CNGA3: variants seen among roughly 807,000 people sequenced by gnomAD.
The protein encoded by CNGA3 is cyclic nucleotide gated channel subunit alpha 3.
A neutral mutation model predicts 46.6 loss-of-function variants in CNGA3; 42 were observed. That is an observed-to-expected ratio of 0.90 (90% confidence interval 0.70 to 1.17). The LOEUF (loss-of-function observed/expected upper bound fraction) is 1.17. Ranked by LOEUF, CNGA3 falls within the 50% of genes most tolerant of loss-of-function variation. The pLI is 0.00. For missense variants in CNGA3, 893 were observed against 890.7 expected, an observed-to-expected ratio of 1.00 and a Z score of -0.03; for synonymous variants, 394 against 369.4, an observed-to-expected ratio of 1.07 and a Z score of -0.76.
chr2:98,389,735 C>T lies in CNGA3; in HGVS notation c.527C>T (p.Ala176Val), dbSNP rs757155005. Reference protein sequence around the residue: ...NLYYRWLTAIALPVFYNWYLL... With the variant: ...NLYYRWLTAIVLPVFYNWYLL... ...TACTACCGCTGGCTGACCGCCATCG[C>T]CCTGCCTGTCTTCTATAACTGGTAT... The change falls in exon 6 of 8, where the codon GCC (alanine) becomes GTC (valine). Residue 176 changes from alanine (A) to valine (V), a missense_variant. Ala to Val is a moderately conservative substitution (Grantham distance 64). Transcript: ENST00000272602. 3 of 1,613,540 alleles carry T rather than the reference C, an allele frequency of 1.9e-6. No individual in the cohort carries two copies. The highest frequency in any genetic ancestry group is 2.2e-5 in the East Asian group (1 of 44,888).
At chr2:98,392,101 G>C in intron 7 of CNGA3, 131 bp downstream of exon 7, 1 of 771,478 alleles carries the variant, frequency 1.3e-6, no homozygotes, top group Non-Finnish European at 2.2e-6. Context: ...ACCTCCGACA[G>C]TGAGGGTAGG....
intron 1 of CNGA3, among the ~76,000 whole-genome samples, chr2:98,351,921 T>G (rs1000349338): frequency 6.6e-6 from 1 of 152,234 alleles, no homozygotes; most frequent in Admixed American, 6.5e-5. Flanking sequence ...TTTTAGTATA[T>G]TTATAGTTGT....
intron 6 of CNGA3, among the ~76,000 whole-genome samples, chr2:98,391,056 A>G (rs1692775611): frequency 1.3e-5 from 2 of 152,216 alleles, no homozygotes. Context: ...ACAGAGAGCC[A>G]CTGCTCTGAG....
Position 98,347,657 on chromosome 2 carries a change from C to T in CNGA3, c.-38+1123C>T, listed in dbSNP as rs190546089. On this transcript the variant is annotated intron_variant, in intron 1 of 7. Coordinates refer to ENST00000272602, the MANE Select transcript of CNGA3 (RefSeq NM_001298.3). ...GTGCCTCTGACACGCAGTCCGCCGG[C>T]TCAGGCCTCGCCGGAAGCTGGCGGG... Among the ~76,000 whole-genome samples, 1,033 of 152,310 alleles carry T rather than the reference C, an allele frequency of 6.8e-3. 9 individuals carry two copies. Among genetic ancestry groups the T allele is most frequent in the African/African-American group, 0.023 (971 of 41,580 alleles).
chr2:98,377,582 G>A, intron 2 of CNGA3, 105 bp from the exon 3 acceptor site: 2 of 1,059,026 alleles, frequency 1.9e-6, no homozygotes, highest in Admixed American at 2.0e-5. Flanking sequence ...CTGTGAGGGT[G>A]GCTTTCCCTG....
rs147118493 is a variant in CNGA3 at position 98,370,077 on chromosome 2, G to A, written c.101+1G>A. Reference sequence around the variant, plus strand: ...ATCGCGCTGAAAATGGCCTCAGCAGGTAAGATGGGCTAAGATGGGCTTTTC... The same window carrying A: ...ATCGCGCTGAAAATGGCCTCAGCAGATAAGATGGGCTAAGATGGGCTTTTC... On this transcript the variant is annotated splice_donor_variant, in intron 2 of 7. Coordinates refer to ENST00000272602, the MANE Select transcript of CNGA3 (RefSeq NM_001298.3). LOFTEE classifies it high-confidence loss of function. 1.6e-4 allele frequency: 250 copies of A among 1,608,538 alleles called. 1 individual carries two copies. Among genetic ancestry groups the A allele is most frequent in the Middle Eastern group, 4.9e-4 (3 of 6,074 alleles).
rs149230055 is a variant in CNGA3 at position 98,380,201 on chromosome 2, G to C, written c.242G>C (p.Arg81Pro). ...CTGTCGCGCCTCATCTTCTTGCTGC[G>C]CAGGTGGGCTGCCAGGCATGTGCAC... ...ARLSRLIFLLRRWAARHVHHQ... is the reference protein window; with the variant it reads ...ARLSRLIFLLPRWAARHVHHQ... Residue 81 changes from arginine (R) to proline (P), a missense_variant, in exon 4 of 8, where the codon CGC (arginine) becomes CCC (proline). Physicochemically the swap from Arg to Pro is moderately radical, Grantham distance 103 (BLOSUM62 -2). This residue lies in a region of CNGA3 where 333 missense variants were observed against 290.8 expected (regional missense o/e 1.15). Coordinates refer to ENST00000272602, the MANE Select transcript of CNGA3 (RefSeq NM_001298.3). 6.2e-7 allele frequency: 1 copy of C among 1,614,188 alleles called. No individual in the cohort carries two copies. The highest frequency in any genetic ancestry group is 8.5e-7 in the Non-Finnish European group (1 of 1,180,052).
At chr2:98,350,494 G>C (rs1691748196) in intron 1 of CNGA3, among the ~76,000 whole-genome samples, 1 of 152,192 alleles carries the variant, frequency 6.6e-6, no homozygotes, top group Non-Finnish European at 1.5e-5. Context: ...TGTTTCCCCA[G>C]CTCTGGTAAG....
intron 4 of CNGA3, 50 bp from the exon 5 acceptor site, chr2:98,383,338 G>A: frequency 1.9e-6 from 3 of 1,583,838 alleles, no homozygotes; most frequent in Non-Finnish European, 2.6e-6. Context: ...ATGGCCCCAA[G>A]GAATGGAAAC....
intron 3 of CNGA3, chr2:98,378,103 A>G (rs1350018127): frequency 1.3e-6 from 2 of 1,550,792 alleles, no homozygotes; most frequent in Admixed American, 2.0e-5. Flanking sequence ...AGGTGGTAAG[A>G]GCAGCCAGCC....
chr2:98,357,344 T>C (rs1367489468), intron 1 of CNGA3, among the ~76,000 whole-genome samples: 1 of 152,222 alleles, frequency 6.6e-6, no homozygotes, highest in East Asian at 1.9e-4. Flanking sequence ...TTGTAAGTGG[T>C]ACATGTAACA....
At chr2:98,390,039 C>A (rs546769442) in intron 6 of CNGA3, among the ~76,000 whole-genome samples, 2 of 152,088 alleles carry the variant, frequency 1.3e-5, no homozygotes, top group African/African-American at 4.8e-5. Context: ...GTGAGTTGTA[C>A]GAGGAGGATG....
rs1192107361 is a variant in CNGA3, at chr2:98,395,706, G to A, written c.674-138G>A. ...AGTGCATTTCCTGTAGTAATGGTAA[G>A]TGTTGTTTTTGAAATCATTTCTATT... On this transcript the variant is annotated intron_variant, in intron 7 of 7. Transcript: ENST00000272602. 7 of 712,710 alleles carry A rather than the reference G, an allele frequency of 9.8e-6. No individual in the cohort carries two copies. In the East Asian group the frequency reaches 1.9e-4, roughly 19 times the overall value. The allele number at this position is 712,710 out of a possible 1,614,324, so 44.1% of individuals were successfully genotyped here.
At chr2:98,384,948 G>A (rs1177460125) in intron 5 of CNGA3, among the ~76,000 whole-genome samples, 1 of 152,156 alleles carries the variant, frequency 6.6e-6, no homozygotes, top group Non-Finnish European at 1.5e-5. Flanking sequence ...CACCTTCCCC[G>A]ACTCTTCACT....
At chr2:98,394,152 A>G (rs913071972) in intron 7 of CNGA3, among the ~76,000 whole-genome samples, 2 of 152,036 alleles carry the variant, frequency 1.3e-5, no homozygotes, top group Non-Finnish European at 2.9e-5. Flanking sequence ...TGCTCACCGC[A>G]ATTTTAAAAG....
At chr2:98,360,761 T>A (rs1230399963) in intron 1 of CNGA3, among the ~76,000 whole-genome samples, 1 of 152,062 alleles carries the variant, frequency 6.6e-6, no homozygotes, top group Non-Finnish European at 1.5e-5. Flanking sequence ...TAGGGTTGAG[T>A]CCTAATGTGG....
rs1402004796 is a variant in CNGA3 at position 98,396,256 on chromosome 2, C to G, written c.1086C>G (p.Thr362=). The part of the protein sequence containing the change: ...YIYSLYWSTL[T]LTTIGETPPP... ...ACAGTCTCTACTGGTCCACCTTGAC[C>G]CTTACCACCATTGGTGAGACCCCAC... Residue 362 remains threonine, a synonymous_variant, in exon 8 of 8, where the codon ACC becomes ACG. Coordinates refer to ENST00000272602, the MANE Select transcript of CNGA3 (RefSeq NM_001298.3). 6.2e-7 allele frequency: 1 copy of G among 1,613,402 alleles called. No homozygotes were observed. Among genetic ancestry groups the G allele is most frequent in the Non-Finnish European group, 8.5e-7 (1 of 1,179,546 alleles).
intron 1 of CNGA3, among the ~76,000 whole-genome samples, chr2:98,362,817 T>C (rs112970292): frequency 0.19 from 29,173 of 152,186 alleles, 3,200 homozygotes; most frequent in Non-Finnish European, 0.26. Context: ...CCATCTTGAG[T>C]TAATTTTTGT....
intron 2 of CNGA3, among the ~76,000 whole-genome samples, chr2:98,372,369 T>G (rs980620298): frequency 3.3e-5 from 5 of 152,304 alleles, no homozygotes; most frequent in Middle Eastern, 3.4e-3. Context: ...CTCTGCAGGC[T>G]CACTCTGGAA....
Sources: allele counts gnomAD v4.1 joint callset (sites outside exome capture counted in the v4.1 genomes callset), GRCh38; gene constraint gnomAD v4.1.1; regional missense constraint gnomAD v4.1.1; transcripts MANE v1.5; gene names NCBI Gene and HGNC (gene_info 2026-07-23, HGNC 2026-07-21).